Variants in SPAG16 observed in about 807,000 individuals in gnomAD.
SPAG16 encodes the protein sperm-associated antigen 16 protein.
A neutral mutation model predicts 80.4 loss-of-function variants in SPAG16; 86 were observed. The observed-to-expected ratio is 1.07, with a 90% CI of 0.90 to 1.28. The LOEUF (loss-of-function observed/expected upper bound fraction) is 1.28. Ranked by LOEUF, SPAG16 falls within the 50% of genes most tolerant of loss-of-function variation. The pLI, the probability that SPAG16 is intolerant of heterozygous loss-of-function variation, is 0.00. For missense variants in SPAG16, 870 were observed against 765.3 expected (o/e 1.14, Z -1.61); for synonymous variants, 294 against 265.9 (o/e 1.11, Z -1.03).
chr2:213,771,921 T>C (rs1024956803), intron 10 of SPAG16, among the ~76,000 whole-genome samples: 5 of 152,216 alleles, frequency 3.3e-5, no homozygotes, highest in African/African-American at 1.2e-4. Context: ...AGGATTATCT[T>C]GGATATACAG....
rs575732834 is a variant in SPAG16, at chr2:214,371,838, A to T, written c.1721-38302A>T. Among the ~76,000 whole-genome samples the T allele has an allele frequency of 3.4e-4, 52 of 151,224 alleles. 1 individual carries two copies. The South Asian group carries it at 6.9e-3, about 20-fold the overall frequency. ...TGGGATTACAGGCACCTGCCACCAC[A>T]CCTGGCTAATTTTTATATTTTTAGT... On this transcript the variant is annotated intron_variant, in intron 15 of 15. Transcript: ENST00000331683.
Position 214,273,906 on chromosome 2 carries a change from T to C in SPAG16, c.1720+124640T>C, listed in dbSNP as rs147983428. ...CTGTGCAGTATGGCCATTTTCACGATATTGATTCTTCCTATCCATGTGCAT... is the reference window on the plus strand; with the variant it reads ...CTGTGCAGTATGGCCATTTTCACGACATTGATTCTTCCTATCCATGTGCAT... On this transcript the variant is annotated intron_variant, in intron 15 of 15. Transcript: ENST00000331683. Among the ~76,000 whole-genome samples the C allele has an allele frequency of 2.5e-3, 388 of 152,354 alleles. 3 individuals are homozygous for C. The highest frequency in any genetic ancestry group is 8.2e-3 in the African/African-American group (340 of 41,578).
At chr2:213,562,295 G>A (rs192999198) in intron 10 of SPAG16, among the ~76,000 whole-genome samples, 85 of 152,238 alleles carry the variant, frequency 5.6e-4, no homozygotes, top group South Asian at 8.3e-4. Flanking sequence ...ATGTAAATAC[G>A]TGAAATTGCT....
At chr2:214,206,038 CA>C (rs11367043) in intron 15 of SPAG16, among the ~76,000 whole-genome samples, 102,548 of 151,448 alleles carry the variant, frequency 0.68, 35,384 homozygotes, top group African/African-American at 0.82. Context: ...ACTAAAAATA[CA>C]AAAAAAAATA....
chr2:214,203,057 T>C (rs979011324), intron 15 of SPAG16, among the ~76,000 whole-genome samples: 3 of 152,186 alleles, frequency 2.0e-5, no homozygotes, highest in Non-Finnish European at 4.4e-5. Flanking sequence ...GAAACCTAAA[T>C]TATTCTCTTT....
chr2:213,457,916 A>G (rs569710203), intron 9 of SPAG16, among the ~76,000 whole-genome samples: 7 of 136,514 alleles, frequency 5.1e-5, no homozygotes, highest in African/African-American at 1.9e-4. Context: ...TGACTAATTT[A>G]TTACTTTCTT....
intron 15 of SPAG16, among the ~76,000 whole-genome samples, chr2:214,351,055 G>A (rs975644535): frequency 6.6e-6 from 1 of 152,140 alleles, no homozygotes; most frequent in Admixed American, 6.5e-5. Flanking sequence ...AATTGGATCA[G>A]AGTGGAGATT....
intron 10 of SPAG16, among the ~76,000 whole-genome samples, chr2:213,813,443 TGGA>T (rs1193222052): frequency 6.6e-6 from 1 of 151,912 alleles, no homozygotes; most frequent in Non-Finnish European, 1.5e-5. Flanking sequence ...AAAGAAAAGA[TGGA>T]GGGCAGGCGG....
At chr2:213,721,970 G>C (rs975819216) in intron 10 of SPAG16, among the ~76,000 whole-genome samples, 2 of 152,114 alleles carry the variant, frequency 1.3e-5, no homozygotes, top group African/African-American at 2.4e-5. Flanking sequence ...ATAATAAAAA[G>C]AAAAAACTGT....
chr2:213,594,779 C>G (rs1009825890), intron 10 of SPAG16, among the ~76,000 whole-genome samples: 1 of 152,182 alleles, frequency 6.6e-6, no homozygotes, highest in Non-Finnish European at 1.5e-5. Flanking sequence ...TGTTTGCGAA[C>G]TGACACAAAC....
intron 13 of SPAG16, among the ~76,000 whole-genome samples, chr2:214,054,253 G>A (rs1340923702): frequency 6.6e-6 from 1 of 152,022 alleles, no homozygotes; most frequent in African/African-American, 2.4e-5. Context: ...CAGGTGATCC[G>A]CCTGCCTTGG....
rs572754627 is a variant in SPAG16, at chr2:213,864,001, A to C, written c.1214+1373A>C. Among the ~76,000 whole-genome samples the C allele has an allele frequency of 5.9e-5, 9 of 152,252 alleles. No homozygotes were observed. The South Asian group carries it at 1.2e-3, about 21-fold the overall frequency. On this transcript the variant is annotated intron_variant, in intron 11 of 15. Coordinates refer to ENST00000331683, the MANE Select transcript of SPAG16 (RefSeq NM_024532.5). ...AATATAAGGGGAGAAAATAAATATA[A>C]CCATAAGTGTTTTTAAATGAGAGAT...
At chr2:213,873,273 A>AT (rs1265263579) in intron 11 of SPAG16, among the ~76,000 whole-genome samples, 1 of 151,790 alleles carries the variant, frequency 6.6e-6, no homozygotes, top group African/African-American at 2.4e-5. Context: ...ATTTGCTGCC[A>AT]TTTTTTTCTC....
intron 15 of SPAG16, among the ~76,000 whole-genome samples, chr2:214,407,074 G>C (rs1402760938): frequency 6.6e-6 from 1 of 151,858 alleles, no homozygotes; most frequent in Non-Finnish European, 1.5e-5. Flanking sequence ...AAGAAAAAAA[G>C]CAAGGCATTT....
intron 10 of SPAG16, among the ~76,000 whole-genome samples, chr2:213,757,251 G>C (rs1346814593): frequency 6.6e-6 from 1 of 151,756 alleles, no homozygotes; most frequent in African/African-American, 2.4e-5. Context: ...TCATGAATTA[G>C]ATGACTTAAT....
intron 10 of SPAG16, among the ~76,000 whole-genome samples, chr2:213,678,484 C>T (rs537016480): frequency 1.3e-5 from 2 of 152,232 alleles, no homozygotes; most frequent in South Asian, 2.1e-4. Context: ...GAGAATACTA[C>T]AAACACCTCT....
chr2:213,402,819 T>C (rs939093112), intron 9 of SPAG16, among the ~76,000 whole-genome samples: 1 of 152,236 alleles, frequency 6.6e-6, no homozygotes, highest in Non-Finnish European at 1.5e-5. Context: ...CTTAATCCAG[T>C]CTATCGTTGT....
chr2:214,050,288 A>G (rs1403595959), intron 13 of SPAG16, among the ~76,000 whole-genome samples: 3 of 107,628 alleles, frequency 2.8e-5, no homozygotes, highest in African/African-American at 9.0e-5. Context: ...CCTGGGCCCC[A>G]GCTAAAAAAA....
intron 10 of SPAG16, among the ~76,000 whole-genome samples, chr2:213,824,306 C>T (rs1167066095): frequency 6.6e-6 from 1 of 152,198 alleles, no homozygotes; most frequent in Non-Finnish European, 1.5e-5. Context: ...GTACCTTAGA[C>T]ATCTTTGCCC....
Sources: gnomAD v4.1 joint callset for allele counts (sites outside exome capture counted in the v4.1 genomes callset) on GRCh38, gnomAD v4.1.1 for gene constraint, MANE v1.5 for transcripts, NCBI Gene and HGNC (gene_info 2026-07-23, HGNC 2026-07-21) for gene names.